The following CBR3 variants were observed in gnomAD, a reference collection of about 807,000 sequenced individuals.
The protein encoded by CBR3 is carbonyl reductase 3.
Under a neutral mutation model 11.6 loss-of-function variants are expected in CBR3, and 14 were observed. That is an observed-to-expected ratio of 1.20 (90% confidence interval 0.79 to 1.88). CBR3 has a LOEUF of 1.88. CBR3 is among the 40% of genes most tolerant of loss of function. The pLI, the probability that CBR3 is intolerant of heterozygous loss-of-function variation, is 0.00. For synonymous variants in CBR3, 125 were observed against 145.6 expected, an observed-to-expected ratio of 0.86 and a Z score of 1.02; for missense variants, 308 against 357.3, an observed-to-expected ratio of 0.86 and a Z score of 1.11.
Position 36,135,391 on chromosome 21 carries a change from T to C in CBR3, c.199T>C (p.Leu67=). The C allele has an allele frequency of 6.2e-7, 1 of 1,613,454 alleles. No homozygotes were observed. The highest frequency in any genetic ancestry group is 8.5e-7 in the Non-Finnish European group (1 of 1,179,812). ...CTTCCACCAACTGGACATCGACGACTTGCAGAGCATCCGCGCCCTGCGCGA... is the reference window on the plus strand; with the variant it reads ...CTTCCACCAACTGGACATCGACGACCTGCAGAGCATCCGCGCCCTGCGCGA... ...PRFHQLDIDD[L]QSIRALRDFL... is the part of the protein sequence containing the mutation. The change falls in exon 1 of 3, where the codon TTG becomes CTG. Residue 67 remains leucine, a synonymous_variant. Coordinates refer to ENST00000290354, the MANE Select transcript of CBR3 (RefSeq NM_001236.4).
rs190571925 is a variant in CBR3, at chr21:36,138,081, T to C, written c.397+149T>C. On this transcript the variant is annotated intron_variant, in intron 2 of 2. Coordinates refer to ENST00000290354, the MANE Select transcript of CBR3 (RefSeq NM_001236.4). ...AGAAAATTGCTTCATTTTCCCACAG[T>C]GTTTGGCTTCTCACTCCAACATTTT... is the stretch of plus-strand genomic sequence containing the variant. 4.8e-4 allele frequency: 298 copies of C among 616,692 alleles called. 2 individuals carry two copies. In the East Asian group the frequency reaches 5.7e-3, roughly 12 times the overall value. The allele number at this position is 616,692 out of a possible 1,614,324, so 38.2% of individuals were successfully genotyped here. A position where few individuals can be genotyped will look rare whatever the true frequency, so the allele number is the denominator to read the frequency against.
In CBR3 at chr21:36,137,905, G is replaced by A. The variant is rs200786415; in HGVS notation, c.370G>A (p.Glu124Lys). ...TTTTGCCACTAGAAACATGTGCAAC[G>A]AGTTACTGCCGATAATGAAACCTCA... ...NFFATRNMCN[E>K]LLPIMKPHGR... is the part of the protein sequence containing the mutation. Residue 124 changes from glutamate to lysine, a missense_variant, in exon 2 of 3, where the codon GAG becomes AAG. Transcript: ENST00000290354. 1.2e-3 allele frequency: 1,860 copies of A among 1,607,494 alleles called. 42 individuals are homozygous for A. The South Asian group carries it at 0.019, about 17-fold the overall frequency.
At chr21:36,143,879 C>CAA (rs35169663) in intron 2 of CBR3, among the ~76,000 whole-genome samples, 8 of 91,908 alleles carry the variant, frequency 8.7e-5, no homozygotes, top group African/African-American at 1.7e-4. Flanking sequence ...GATTCTGTCT[C>CAA]AAAAAAAAAA....
chr21:36,139,044 C>T (rs758612449), intron 2 of CBR3, among the ~76,000 whole-genome samples: 16 of 152,024 alleles, frequency 1.1e-4, no homozygotes, highest in African/African-American at 2.7e-4. Context: ...CATGCCCGAA[C>T]GAGAAATTTT....
At position 36,135,130 on chromosome 21, in the gene CBR3, G is replaced by A. The variant is rs2123332341; in HGVS notation, c.-63G>A. 1 of 1,390,610 alleles carries A rather than the reference G, an allele frequency of 7.2e-7. No individual in the cohort carries two copies. Among genetic ancestry groups the A allele is most frequent in the Non-Finnish European group, 9.3e-7 (1 of 1,073,592 alleles). The allele number at this position is 1,390,610 out of a possible 1,614,324, so 86.1% of individuals were successfully genotyped here. ...ACACTAGCTGGGCTCCTCGGGGCGC[G>A]CCCCAGGTGGTCCGAAGCCCGGTCC... On this transcript the variant is annotated 5_prime_UTR_variant, in exon 1 of 3. Coordinates refer to ENST00000290354, the MANE Select transcript of CBR3 (RefSeq NM_001236.4).
In CBR3 at chr21:36,135,136, G is replaced by A. The variant is rs2065647658; in HGVS notation, c.-57G>A. ...GCTGGGCTCCTCGGGGCGCGCCCCA[G>A]GTGGTCCGAAGCCCGGTCCGCCCTC... On this transcript the variant is annotated 5_prime_UTR_variant, in exon 1 of 3. Coordinates refer to ENST00000290354, the MANE Select transcript of CBR3 (RefSeq NM_001236.4). 1 of 1,403,372 alleles carries A rather than the reference G, an allele frequency of 7.1e-7. No homozygotes were observed. The highest frequency in any genetic ancestry group is 9.2e-7 in the Non-Finnish European group (1 of 1,083,278). 86.9% of individuals were successfully genotyped at this position (1,403,372 alleles called of 1,614,324 possible).
At position 36,135,246 on chromosome 21, in the gene CBR3, C is replaced by T; in HGVS notation, c.54C>T (p.Gly18=). Residue 18 remains glycine, a synonymous_variant, in exon 1 of 3, where the codon GGC becomes GGT. Transcript: ENST00000290354. ...ALVTGANRGI[G]LAIARELCRQ... is the part of the protein sequence containing the mutation. ...TGACCGGGGCCAACAGGGGCATCGG[C>T]TTGGCCATCGCGCGCGAACTGTGCC... is the stretch of plus-strand genomic sequence containing the variant. 1 of 1,576,708 alleles carries T rather than the reference C, an allele frequency of 6.3e-7. No homozygotes were observed. Among genetic ancestry groups the T allele is most frequent in the Non-Finnish European group, 8.6e-7 (1 of 1,163,476 alleles).
intron 2 of CBR3, among the ~76,000 whole-genome samples, chr21:36,142,431 C>CAAAAAAAAAAAAAAAAAAAAAAAAAA (rs71326645): frequency 2.5e-5 from 1 of 40,422 alleles, no homozygotes; most frequent in African/African-American, 1.1e-4. Context: ...GACTCCATCT[C>CAAAAAAAAAAAAAAAAAAAAAAAAAA]AAAAAAAAAA....
At chr21:36,143,632 C>A (rs528487965) in intron 2 of CBR3, among the ~76,000 whole-genome samples, 4 of 152,042 alleles carry the variant, frequency 2.6e-5, no homozygotes, top group Non-Finnish European at 5.9e-5. Context: ...ATAATCCTAG[C>A]ACTTTGGGAG....
chr21:36,142,425 C>A (rs182262130), intron 2 of CBR3, among the ~76,000 whole-genome samples: 193 of 3,236 alleles, frequency 0.06, 2 homozygotes, highest in African/African-American at 0.23. Flanking sequence ...GAGCGAGACT[C>A]CATCTCAAAA....
intron 2 of CBR3, among the ~76,000 whole-genome samples, chr21:36,144,421 G>T (rs1021646893): frequency 1.3e-5 from 2 of 152,020 alleles, no homozygotes. Flanking sequence ...TTGTGCCACT[G>T]CACTGCAGCC....
At position 36,137,878 on chromosome 21, in the gene CBR3, T is replaced by G. The variant is rs774897801; in HGVS notation, c.343T>G (p.Phe115Val). The G allele has an allele frequency of 6.2e-7, 1 of 1,612,670 alleles. No homozygotes were observed. The highest frequency in any genetic ancestry group is 8.5e-7 in the Non-Finnish European group (1 of 1,178,900). Reference sequence around the variant, plus strand: ...AGCTGAGATGACACTGAAGACAAATTTTTTTGCCACTAGAAACATGTGCAA... The same window carrying G: ...AGCTGAGATGACACTGAAGACAAATGTTTTTGCCACTAGAAACATGTGCAA... ...IKAEMTLKTN[F>V]FATRNMCNEL... Residue 115 changes from phenylalanine (F) to valine (V), a missense_variant, in exon 2 of 3, where the codon TTT becomes GTT. Transcript: ENST00000290354.
Position 36,135,253 on chromosome 21 carries a change from A to G in CBR3, c.61A>G (p.Ile21Val). 1 of 1,581,698 alleles carries G rather than the reference A, an allele frequency of 6.3e-7. No homozygotes were observed. The highest frequency in any genetic ancestry group is 8.6e-7 in the Non-Finnish European group (1 of 1,165,920). ...TGANRGIGLA[I>V]ARELCRQFSG... ...GGCCAACAGGGGCATCGGCTTGGCC[A>G]TCGCGCGCGAACTGTGCCGACAGTT... Residue 21 changes from isoleucine to valine, a missense_variant, in exon 1 of 3, where the codon ATC becomes GTC. Transcript: ENST00000290354.
At position 36,135,218 on chromosome 21, in the gene CBR3, T is replaced by G. The variant is rs1369513300; in HGVS notation, c.26T>G (p.Leu9Arg). Reference protein sequence around the residue: MSSCSRVALVTGANRGIGL... With the variant: MSSCSRVARVTGANRGIGL... ...ATGTCGTCCTGCAGCCGCGTGGCGC[T>G]GGTGACCGGGGCCAACAGGGGCATC... is the stretch of plus-strand genomic sequence containing the variant. Residue 9 changes from leucine to arginine, a missense_variant, in exon 1 of 3, where the codon CTG becomes CGG. Transcript: ENST00000290354. The G allele has an allele frequency of 1.3e-5, 20 of 1,526,342 alleles. No individual in the cohort carries two copies. Among genetic ancestry groups the G allele is most frequent in the Non-Finnish European group, 1.6e-5 (18 of 1,137,970 alleles). The allele number at this position is 1,526,342 out of a possible 1,614,324, so 94.5% of individuals were successfully genotyped here.
intron 2 of CBR3, chr21:36,138,153 G>A: frequency 2.1e-6 from 1 of 469,282 alleles, no homozygotes; most frequent in Non-Finnish European, 3.8e-6. Flanking sequence ...GTTTGGCAGT[G>A]GGGTGGGTGG....
chr21:36,140,982 T>G (rs2065703561), intron 2 of CBR3, among the ~76,000 whole-genome samples: 1 of 122,656 alleles, frequency 8.2e-6, no homozygotes, highest in African/African-American at 3.3e-5. Flanking sequence ...CACTCCAGCC[T>G]GGGCGACAGA....
chr21:36,146,274 T>TG lies in CBR3; in HGVS notation c.601dup (p.Val201GlyfsTer14), dbSNP rs755392966. 6.2e-7 allele frequency: 1 copy of TG among 1,614,014 alleles called. No individual in the cohort carries two copies. Among genetic ancestry groups the TG allele is most frequent in the Non-Finnish European group, 8.5e-7 (1 of 1,180,008 alleles). On this transcript the variant is annotated frameshift_variant, in exon 3 of 3. Coordinates refer to ENST00000290354, the MANE Select transcript of CBR3 (RefSeq NM_001236.4). LOFTEE classifies it low-confidence loss of function (END_TRUNC). ...AACTCACCTTATGGGGTGTCCAAGT[T>TG]GGGGGTCACGGTCTTATCGAGGATC...
At chr21:36,142,448 ACG>A (rs2065720428) in intron 2 of CBR3, among the ~76,000 whole-genome samples, 1 of 149,030 alleles carries the variant, frequency 6.7e-6, no homozygotes, top group South Asian at 2.1e-4. Flanking sequence ...AAAAAAAAAA[ACG>A]CAATCCATGA....
At chr21:36,140,617 A>C (rs1204235516) in intron 2 of CBR3, among the ~76,000 whole-genome samples, 1 of 152,052 alleles carries the variant, frequency 6.6e-6, no homozygotes. Flanking sequence ...GAGCACCTGC[A>C]GTTCTCCCTG....
Sources: gnomAD v4.1 joint callset for allele counts (sites outside exome capture counted in the v4.1 genomes callset) on GRCh38, gnomAD v4.1.1 for gene constraint, MANE v1.5 for transcripts, NCBI Gene and HGNC (gene_info 2026-07-23, HGNC 2026-07-21) for gene names.